GLI3: variants seen among roughly 807,000 people sequenced by gnomAD.
GLI3 encodes the protein transcription activator GLI3.
A neutral mutation model predicts 100.8 loss-of-function variants in GLI3; 20 were observed. The ratio of observed to expected loss-of-function variants is 0.20; its 90% CI spans 0.14 to 0.29. The LOEUF (loss-of-function observed/expected upper bound fraction) is 0.29. Among genes scored for constraint, GLI3 ranks in the 10% least tolerant of loss-of-function variants. The pLI is 1.00. For missense variants in GLI3, 2,040 were observed against 2,128.5 expected (o/e 0.96, Z 0.82); for synonymous variants, 938 against 860.5 (o/e 1.09, Z -1.58).
At chr7:42,200,185 C>T (rs539789255) in intron 2 of GLI3, among the ~76,000 whole-genome samples, 3 of 152,314 alleles carry the variant, frequency 2.0e-5, no homozygotes, top group African/African-American at 7.2e-5. Context: ...ATGGAGGTCA[C>T]GGAGAGTCAA....
chr7:42,133,950 G>A (rs1021546934), intron 3 of GLI3, among the ~76,000 whole-genome samples: 3 of 151,894 alleles, frequency 2.0e-5, no homozygotes, highest in South Asian at 2.1e-4. Context: ...GCGTGGTGTC[G>A]CGTGCCCATA....
intron 3 of GLI3, among the ~76,000 whole-genome samples, chr7:42,120,407 A>C (rs1562741186): frequency 6.6e-6 from 1 of 152,186 alleles, no homozygotes; most frequent in East Asian, 1.9e-4. Context: ...AGGAGAACAA[A>C]GCCCTGGTTC....
At chr7:41,994,115 C>T (rs1788062661) in intron 10 of GLI3, among the ~76,000 whole-genome samples, 1 of 152,302 alleles carries the variant, frequency 6.6e-6, no homozygotes, top group African/African-American at 2.4e-5. Context: ...AAAAAATAAT[C>T]TGATGCTTTA....
At chr7:42,022,243 T>G (rs915591495) in intron 10 of GLI3, among the ~76,000 whole-genome samples, 1 of 152,164 alleles carries the variant, frequency 6.6e-6, no homozygotes, top group Non-Finnish European at 1.5e-5. Context: ...GCTCAAAATC[T>G]GGCAACCTGC....
At chr7:41,985,113 C>A (rs1787781629) in intron 10 of GLI3, among the ~76,000 whole-genome samples, 1 of 152,220 alleles carries the variant, frequency 6.6e-6, no homozygotes, top group Non-Finnish European at 1.5e-5. Context: ...CTTGCTCCAC[C>A]CCCAGTTGTA....
At chr7:42,135,114 C>T (rs1022592852) in intron 3 of GLI3, among the ~76,000 whole-genome samples, 26 of 152,142 alleles carry the variant, frequency 1.7e-4, no homozygotes, top group Non-Finnish European at 2.5e-4. Flanking sequence ...TGTTGATATG[C>T]AACTTAATTG....
At chr7:42,076,320 T>C (rs1410774855) in intron 4 of GLI3, among the ~76,000 whole-genome samples, 1 of 152,232 alleles carries the variant, frequency 6.6e-6, no homozygotes, top group Non-Finnish European at 1.5e-5. Context: ...TGTACTTACA[T>C]AGGGGCTATG....
At chr7:42,202,746 C>G (rs1027006423) in intron 2 of GLI3, among the ~76,000 whole-genome samples, 8 of 152,172 alleles carry the variant, frequency 5.3e-5, no homozygotes, top group Non-Finnish European at 7.3e-5. Flanking sequence ...CTTAGGACAG[C>G]CTCCTGTTTT....
At chr7:42,044,573 T>C (rs1490687290) in intron 6 of GLI3, among the ~76,000 whole-genome samples, 1 of 152,194 alleles carries the variant, frequency 6.6e-6, no homozygotes, top group East Asian at 1.9e-4. Flanking sequence ...TAGTCCCTTC[T>C]GATTTGGAAA....
chr7:42,262,276 C>A (rs1789153572), intron 1 of GLI3, among the ~76,000 whole-genome samples: 1 of 143,982 alleles, frequency 6.9e-6, no homozygotes, highest in Non-Finnish European at 1.5e-5. Context: ...TTCCTTCTTT[C>A]TTTCATAGGG....
chr7:41,974,394 T>C (rs982203018), intron 12 of GLI3, among the ~76,000 whole-genome samples: 4 of 152,168 alleles, frequency 2.6e-5, no homozygotes, highest in Non-Finnish European at 4.4e-5. Flanking sequence ...ACAAAATATA[T>C]TAACCCTTCA....
intron 3 of GLI3, among the ~76,000 whole-genome samples, chr7:42,077,407 C>T (rs1784903479): frequency 6.7e-6 from 1 of 150,362 alleles, no homozygotes; most frequent in Non-Finnish European, 1.5e-5. Flanking sequence ...TATTCCCCTC[C>T]TTCTTGGCCG....
chr7:42,138,576 AGG>A, intron 3 of GLI3, among the ~76,000 whole-genome samples: 1 of 152,064 alleles, frequency 6.6e-6, no homozygotes, highest in Middle Eastern at 3.2e-3. Context: ...CCCCTGGGGG[AGG>A]AGGGAATAAA....
chr7:42,072,812 A>T (rs974291005), intron 4 of GLI3, among the ~76,000 whole-genome samples: 4 of 152,172 alleles, frequency 2.6e-5, no homozygotes, highest in Non-Finnish European at 4.4e-5. Context: ...TAATGCACAA[A>T]ATAATCTCAG....
At chr7:42,077,266 C>T (rs1784899413) in intron 3 of GLI3, among the ~76,000 whole-genome samples, 1 of 152,058 alleles carries the variant, frequency 6.6e-6, no homozygotes, top group Non-Finnish European at 1.5e-5. Flanking sequence ...GACAAAGACA[C>T]TGTAATACAA....
intron 2 of GLI3, among the ~76,000 whole-genome samples, chr7:42,198,142 G>T (rs1012185919): frequency 1.3e-5 from 2 of 152,168 alleles, no homozygotes; most frequent in African/African-American, 4.8e-5. Flanking sequence ...CCCCTGCACT[G>T]TGGCGGCCCC....
chr7:42,085,131 C>A (rs1467032653), intron 3 of GLI3, among the ~76,000 whole-genome samples: 1 of 151,606 alleles, frequency 6.6e-6, no homozygotes, highest in African/African-American at 2.4e-5. Context: ...AGGCTGGTCT[C>A]GAATGGTTAT....
At chr7:42,085,668 C>T (rs1785088626) in intron 3 of GLI3, among the ~76,000 whole-genome samples, 1 of 152,148 alleles carries the variant, frequency 6.6e-6, no homozygotes, top group African/African-American at 2.4e-5. Context: ...AAACGTGATC[C>T]CTGCCAGGGC....
intron 7 of GLI3, among the ~76,000 whole-genome samples, chr7:42,034,427 T>C (rs1789379216): frequency 6.6e-6 from 1 of 152,194 alleles, no homozygotes; most frequent in Non-Finnish European, 1.5e-5. Context: ...GGGAAGGCCC[T>C]TAGATTTCTG....
Sources: gnomAD v4.1 joint callset for allele counts (sites outside exome capture counted in the v4.1 genomes callset) on GRCh38, gnomAD v4.1.1 for gene constraint, MANE v1.5 for transcripts, NCBI Gene and HGNC (gene_info 2026-07-23, HGNC 2026-07-21) for gene names.